Variants in KSR2 observed in about 807,000 individuals in gnomAD.
The protein encoded by KSR2 is kinase suppressor of ras 2.
Under a neutral mutation model 107.8 loss-of-function variants are expected in KSR2, and 25 were observed. The ratio of observed to expected loss-of-function variants is 0.23; its 90% CI spans 0.17 to 0.32. The LOEUF is 0.32. Among genes scored for constraint, KSR2 ranks in the 10% least tolerant of loss-of-function variants. The pLI is 1.00. For missense variants in KSR2, 887 were observed against 1,268.9 expected, an observed-to-expected ratio of 0.70 and a Z score of 4.57; for synonymous variants, 480 against 507.0, an observed-to-expected ratio of 0.95 and a Z score of 0.71.
intron 4 of KSR2, among the ~76,000 whole-genome samples, chr12:117,674,061 G>A (rs976070025): frequency 6.6e-6 from 1 of 152,172 alleles, no homozygotes; most frequent in Non-Finnish European, 1.5e-5. Context: ...CTCAGCTCCA[G>A]GCCATCACCT....
chr12:117,892,026 C>T (rs1045795675), intron 1 of KSR2, among the ~76,000 whole-genome samples: 4 of 103,880 alleles, frequency 3.9e-5, no homozygotes, highest in Non-Finnish European at 7.4e-5. Context: ...CGGCCCAGTG[C>T]GGTGGCTGAC....
At chr12:117,633,796 T>C (rs1170104860) in intron 5 of KSR2, among the ~76,000 whole-genome samples, 1 of 152,160 alleles carries the variant, frequency 6.6e-6, no homozygotes, top group Non-Finnish European at 1.5e-5. Flanking sequence ...GGGTTCTGCA[T>C]GGATATAAGT....
chr12:117,795,713 T>C (rs1263091845), intron 3 of KSR2, among the ~76,000 whole-genome samples: 1 of 152,048 alleles, frequency 6.6e-6, no homozygotes, highest in Non-Finnish European at 1.5e-5. Context: ...ACTGCAGCCT[T>C]GAACTCTCAG....
At chr12:117,874,897 C>T (rs1042263543) in intron 1 of KSR2, among the ~76,000 whole-genome samples, 1 of 152,084 alleles carries the variant, frequency 6.6e-6, no homozygotes, top group African/African-American at 2.4e-5. Flanking sequence ...AAGCCGAGCC[C>T]ACCGTCTGAC....
chr12:117,527,280 GACACACAC>G (rs59836858), intron 12 of KSR2, among the ~76,000 whole-genome samples, 161 bp from the exon 13 acceptor site: 1 of 124,466 alleles, frequency 8.0e-6, no homozygotes, highest in African/African-American at 3.1e-5. Flanking sequence ...CCATAACCTC[GACACACAC>G]ACACACACAC....
intron 1 of KSR2, among the ~76,000 whole-genome samples, chr12:117,941,873 C>T (rs1329863504): frequency 6.9e-6 from 1 of 144,406 alleles, no homozygotes. Flanking sequence ...AAACTCCTAA[C>T]CTCAAGTGAT....
intron 4 of KSR2, among the ~76,000 whole-genome samples, chr12:117,688,478 A>G (rs1018004633): frequency 3.9e-5 from 6 of 152,206 alleles, no homozygotes; most frequent in Non-Finnish European, 7.3e-5. Context: ...ACAAATCTGC[A>G]TTTTATCATG....
At chr12:117,651,315 T>C (rs1431167508) in intron 5 of KSR2, among the ~76,000 whole-genome samples, 1 of 152,156 alleles carries the variant, frequency 6.6e-6, no homozygotes, top group Non-Finnish European at 1.5e-5. Flanking sequence ...CCTGTTTGCT[T>C]CTAGACCTAT....
chr12:117,648,122 C>T (rs1883733960), intron 5 of KSR2, among the ~76,000 whole-genome samples: 1 of 152,040 alleles, frequency 6.6e-6, no homozygotes, highest in Non-Finnish European at 1.5e-5. Context: ...TATTGCTTAA[C>T]CTGTGATGGT....
intron 16 of KSR2, among the ~76,000 whole-genome samples, chr12:117,479,620 T>C (rs1872029529): frequency 6.6e-6 from 1 of 152,200 alleles, no homozygotes; most frequent in Non-Finnish European, 1.5e-5. Flanking sequence ...AAAATGGCCC[T>C]GGTTGAGAAT....
intron 1 of KSR2, among the ~76,000 whole-genome samples, chr12:117,941,917 A>C (rs1896022047): frequency 6.6e-6 from 1 of 150,610 alleles, no homozygotes; most frequent in African/African-American, 2.4e-5. Flanking sequence ...TGCTGGGATT[A>C]CAGGCGTGAG....
chr12:117,501,913 C>A (rs541130938), intron 14 of KSR2, among the ~76,000 whole-genome samples: 77 of 152,328 alleles, frequency 5.1e-4, no homozygotes, highest in African/African-American at 1.8e-3. Context: ...TCCCAGGCAG[C>A]TCCTGGACAT....
chr12:117,514,486 CCTTAG>C (rs1874235480), intron 14 of KSR2, among the ~76,000 whole-genome samples: 1 of 151,810 alleles, frequency 6.6e-6, no homozygotes, highest in African/African-American at 2.4e-5. Flanking sequence ...GGTTCAAGTT[CCTTAG>C]CCTGACTTGA....
intron 3 of KSR2, among the ~76,000 whole-genome samples, chr12:117,797,408 C>T (rs550815873): frequency 1.3e-5 from 2 of 152,264 alleles, no homozygotes; most frequent in South Asian, 4.2e-4. Flanking sequence ...CAGGATTCCA[C>T]TTACAGGAAA....
intron 1 of KSR2, among the ~76,000 whole-genome samples, chr12:117,946,375 C>T (rs1054909393): frequency 2.0e-5 from 3 of 151,970 alleles, no homozygotes; most frequent in Admixed American, 1.3e-4. Flanking sequence ...ACACACATTA[C>T]CAACATCAAG....
chr12:117,649,303 G>T (rs919896594), intron 5 of KSR2, among the ~76,000 whole-genome samples: 8 of 152,116 alleles, frequency 5.3e-5, no homozygotes, highest in Admixed American at 2.0e-4. Flanking sequence ...ACATTTATTT[G>T]ACTCCTCCCT....
chr12:117,927,592 G>A (rs1895566952), intron 1 of KSR2, among the ~76,000 whole-genome samples: 1 of 151,358 alleles, frequency 6.6e-6, no homozygotes, highest in African/African-American at 2.4e-5. Context: ...ACTCGGGAGA[G>A]TGAGCCAGAA....
chr12:117,582,235 C>T, intron 6 of KSR2, 55 bp downstream of exon 6: 1 of 1,496,656 alleles, frequency 6.7e-7, no homozygotes, highest in Non-Finnish European at 9.3e-7. Context: ...GCCAGAGCCC[C>T]CACCCCTCAC....
At chr12:117,526,001 G>A (rs1186058595) in intron 13 of KSR2, among the ~76,000 whole-genome samples, 1 of 152,152 alleles carries the variant, frequency 6.6e-6, no homozygotes, top group Non-Finnish European at 1.5e-5. Context: ...TTGTAAAGTG[G>A]GGGTAATAAA....
Sources: gnomAD v4.1 joint callset for allele counts (sites outside exome capture counted in the v4.1 genomes callset) on GRCh38, gnomAD v4.1.1 for gene constraint, MANE v1.5 for transcripts, NCBI Gene and HGNC (gene_info 2026-07-23, HGNC 2026-07-21) for gene names.